Variants in ABCE1 observed in about 807,000 individuals in gnomAD.
ABCE1 encodes the protein ATP-binding cassette sub-family E member 1.
In ABCE1, 22 loss-of-function variants were observed where a neutral mutation model predicts 83.4. The ratio of observed to expected loss-of-function variants is 0.26; its 90% confidence interval spans 0.19 to 0.38. The LOEUF (loss-of-function observed/expected upper bound fraction) is 0.38, where lower values mean the gene tolerates loss of function less well. Among genes scored for constraint, ABCE1 ranks in the 10% least tolerant of loss-of-function variants. ABCE1 has a pLI of 1.00. For missense variants in ABCE1, 330 were observed against 721.9 expected (o/e 0.46, Z 6.22); for synonymous variants, 204 against 233.7 (o/e 0.87, Z 1.16).
chr4:145,113,924 A>T (rs191321644), intron 9 of ABCE1, among the ~76,000 whole-genome samples: 2 of 152,102 alleles, frequency 1.3e-5, no homozygotes, highest in African/African-American at 4.8e-5. Context: ...AGGTTCAGAA[A>T]CCTGGAGAAT....
chr4:145,099,522 C>A (rs1286949969), intron 1 of ABCE1, among the ~76,000 whole-genome samples: 1 of 151,912 alleles, frequency 6.6e-6, no homozygotes, highest in Non-Finnish European at 1.5e-5. Flanking sequence ...CTTAGTTCTC[C>A]CCTATTTTAA....
Position 145,117,419 on chromosome 4 carries a change from C to G in ABCE1, c.922+5C>G. On this transcript the variant is annotated splice_donor_5th_base_variant and intron_variant, in intron 10 of 17. Coordinates refer to ENST00000296577, the MANE Select transcript of ABCE1 (RefSeq NM_002940.3). ...TGCCTTTTAGTGTAAGAGAAGGTAA[C>G]TTGAAAAACTTTTTTCACATATGCT... 1.2e-6 allele frequency: 2 copies of G among 1,608,416 alleles called. No individual in the cohort carries two copies. Among genetic ancestry groups the G allele is most frequent in the East Asian group, 2.2e-5 (1 of 44,734 alleles).
intron 6 of ABCE1, 61 bp downstream of exon 6, chr4:145,110,301 A>G: frequency 1.3e-6 from 2 of 1,598,610 alleles, no homozygotes; most frequent in Non-Finnish European, 1.7e-6. Flanking sequence ...ATATATCAAA[A>G]TAAACTTGTT....
rs1579224590 is a variant in ABCE1, at chr4:145,124,971, A to T, written c.1641-19A>T. 2 of 1,117,128 alleles carry T rather than the reference A, an allele frequency of 1.8e-6. No homozygotes were observed. Among genetic ancestry groups the T allele is most frequent in the Non-Finnish European group, 1.3e-6 (1 of 799,998 alleles). The allele number at this position is 1,117,128 out of a possible 1,614,324, so 69.2% of individuals were successfully genotyped here. A position where few individuals can be genotyped will look rare whatever the true frequency, so the allele number is the denominator to read the frequency against. The stretch of plus-strand genomic sequence containing the variant: ...CTGAAGTAAAATTTAATCAAAATTG[A>T]TTTTTTTTTTTCTCTTAGTCCTCAA... On this transcript the variant is annotated intron_variant, in intron 16 of 17. Coordinates refer to ENST00000296577, the MANE Select transcript of ABCE1 (RefSeq NM_002940.3).
At chr4:145,121,013 C>G (rs1208747773) in intron 11 of ABCE1, 161 bp from the exon 12 acceptor site, 48 of 636,910 alleles carry the variant, frequency 7.5e-5, no homozygotes, top group Non-Finnish European at 1.3e-4. Context: ...CAGAGGTGAG[C>G]CATGAAAGAC....
intron 9 of ABCE1, among the ~76,000 whole-genome samples, chr4:145,112,740 A>G (rs1749515541): frequency 6.6e-6 from 1 of 152,124 alleles, no homozygotes; most frequent in South Asian, 2.1e-4. Flanking sequence ...AATTATCATA[A>G]CTTCTGTTAG....
intron 8 of ABCE1, among the ~76,000 whole-genome samples, chr4:145,111,760 GA>G (rs1749482329): frequency 6.6e-6 from 1 of 152,142 alleles, no homozygotes; most frequent in Non-Finnish European, 1.5e-5. Flanking sequence ...GAGAGGAGAG[GA>G]AAGTTTCCTT....
intron 17 of ABCE1, 123 bp downstream of exon 17, chr4:145,125,224 T>C: frequency 1.5e-6 from 1 of 658,444 alleles, no homozygotes; most frequent in Non-Finnish European, 2.5e-6. Flanking sequence ...TCAAGCACTT[T>C]TGGGAGGCCA....
intron 9 of ABCE1, among the ~76,000 whole-genome samples, chr4:145,116,553 T>C (rs1749610872): frequency 6.6e-6 from 1 of 151,972 alleles, no homozygotes; most frequent in African/African-American, 2.4e-5. Context: ...ATGAGATGTT[T>C]GCAGGACATT....
chr4:145,106,652 A>G (rs1749312596), intron 3 of ABCE1, among the ~76,000 whole-genome samples: 1 of 152,064 alleles, frequency 6.6e-6, no homozygotes, highest in Admixed American at 6.6e-5. Flanking sequence ...GTAATGTATA[A>G]TTCCTGAACA....
At chr4:145,103,447 A>G (rs547489836) in intron 1 of ABCE1, among the ~76,000 whole-genome samples, 2 of 152,344 alleles carry the variant, frequency 1.3e-5, no homozygotes, top group Non-Finnish European at 2.9e-5. Context: ...CAATATTGTG[A>G]AAGATTTTTA....
At chr4:145,116,002 GA>G (rs1447910410) in intron 9 of ABCE1, among the ~76,000 whole-genome samples, 1 of 151,916 alleles carries the variant, frequency 6.6e-6, no homozygotes, top group African/African-American at 2.4e-5. Context: ...GAGTGAGGGG[GA>G]AAGCTCATTT....
intron 17 of ABCE1, among the ~76,000 whole-genome samples, chr4:145,127,221 G>A (rs1413871222): frequency 6.6e-6 from 1 of 152,154 alleles, no homozygotes. Context: ...GATGAAAATG[G>A]AATTTAATAG....
intron 11 of ABCE1, 195 bp from the exon 12 acceptor site, chr4:145,120,978 TC>T (rs1360274814): frequency 2.5e-5 from 14 of 565,022 alleles, no homozygotes; most frequent in Non-Finnish European, 3.1e-5. Context: ...TCTTTATTCC[TC>T]TTAATTACCT....
chr4:145,128,243 CTTT>C lies in ABCE1; in HGVS notation c.*675_*677del, dbSNP rs1356047588. 6.6e-6 allele frequency: 1 copy of C among 152,518 alleles called. No homozygotes were observed. The highest frequency in any genetic ancestry group is 1.5e-5 in the Non-Finnish European group (1 of 67,994). The allele number at this position is 152,518 out of a possible 1,614,324, so 9.4% of individuals were successfully genotyped here. ...AAAAAACCCCTAACTTTACTCTGAA[CTTT>C]TTTTGTTTTTGCATTCCATGAGGTT... On this transcript the variant is annotated 3_prime_UTR_variant, in exon 18 of 18. Coordinates refer to ENST00000296577, the MANE Select transcript of ABCE1 (RefSeq NM_002940.3).
chr4:145,120,757 A>AT (rs1749719229), intron 11 of ABCE1, among the ~76,000 whole-genome samples: 1 of 152,146 alleles, frequency 6.6e-6, no homozygotes, highest in South Asian at 2.1e-4. Flanking sequence ...ATCAGTCTTT[A>AT]GATAATGGGA....
chr4:145,123,654 A>G, intron 16 of ABCE1, 54 bp downstream of exon 16: 1 of 1,493,220 alleles, frequency 6.7e-7, no homozygotes, highest in Non-Finnish European at 9.1e-7. Context: ...TTTCCAGTAA[A>G]TAGTAAAGTC....
chr4:145,119,893 C>G lies in ABCE1; in HGVS notation c.923-39C>G, dbSNP rs576480988. 4.0e-6 allele frequency: 6 copies of G among 1,503,444 alleles called. No homozygotes were observed. The South Asian group carries it at 5.8e-5, about 14-fold the overall frequency. The allele number at this position is 1,503,444 out of a possible 1,614,324, so 93.1% of individuals were successfully genotyped here. ...CCCAAGAGAGCTTAGGATTTTGGCT[C>G]TAATGATTTCTCCCGGTTGACAATT... On this transcript the variant is annotated intron_variant, in intron 10 of 17. Transcript: ENST00000296577.
chr4:145,105,560 A>G, intron 2 of ABCE1, 45 bp from the exon 3 acceptor site: 2 of 1,385,866 alleles, frequency 1.4e-6, no homozygotes, highest in South Asian at 2.5e-5. Flanking sequence ...TCGGAAAATT[A>G]GAAGATCAAA....
Sources: allele counts gnomAD v4.1 joint callset (sites outside exome capture counted in the v4.1 genomes callset), GRCh38; gene constraint gnomAD v4.1.1; transcripts MANE v1.5; gene names NCBI Gene and HGNC (gene_info 2026-07-23, HGNC 2026-07-21).